COX5A: variants seen among roughly 807,000 people sequenced by gnomAD.
COX5A encodes the protein cytochrome c oxidase subunit 5A, also known as cytochrome c oxidase subunit 5A, mitochondrial.
A neutral mutation model predicts 16.1 loss-of-function variants in COX5A; 6 were observed. The observed-to-expected ratio is 0.37, with a 90% CI of 0.20 to 0.73. COX5A has a LOEUF of 0.73. Among genes scored for constraint, COX5A ranks in the 30% least tolerant of loss-of-function variants. COX5A has a pLI of 0.50. For missense variants in COX5A, 159 were observed against 194.9 expected, an observed-to-expected ratio of 0.82 and a Z score of 1.10; for synonymous variants, 73 against 73.8, an observed-to-expected ratio of 0.99 and a Z score of 0.06.
chr15:74,929,222 T>G lies in COX5A; in HGVS notation c.111A>C (p.Ser37=). The change falls in exon 2 of 5, where the codon TCA becomes TCC. Residue 37 remains serine (S), a synonymous_variant. Coordinates refer to ENST00000322347, the MANE Select transcript of COX5A (RefSeq NM_004255.4). ...RTPGPAVAIQ[S]VRCYSHGSQE... Reference sequence around the variant, plus strand: ...GTGACCCATGGGAATAGCAGCGAACTGACTGGATAGCTATAATGTGAAAGA... The same window carrying G: ...GTGACCCATGGGAATAGCAGCGAACGGACTGGATAGCTATAATGTGAAAGA... The G allele has an allele frequency of 1.2e-6, 2 of 1,608,436 alleles. No homozygotes were observed. The highest frequency in any genetic ancestry group is 1.7e-6 in the Non-Finnish European group (2 of 1,174,850).
At chr15:74,937,817 A>C in intron 1 of COX5A, 98 bp downstream of exon 1, 1 of 739,662 alleles carries the variant, frequency 1.4e-6, no homozygotes, top group Non-Finnish European at 1.8e-6. Context: ...AGGGTAGGGC[A>C]AGGGCTAGGC....
At chr15:74,931,178 C>T (rs2065365785) in intron 1 of COX5A, among the ~76,000 whole-genome samples, 1 of 151,988 alleles carries the variant, frequency 6.6e-6, no homozygotes, top group Non-Finnish European at 1.5e-5. Context: ...CTCTAATCTA[C>T]ACCTAATGCA....
rs537639172 is a variant in COX5A, at chr15:74,937,856, G to A, written c.100+59C>T. 2.6e-3 allele frequency: 2,741 copies of A among 1,060,272 alleles called. 6 individuals carry two copies. The highest frequency in any genetic ancestry group is 3.0e-3 in the Non-Finnish European group (2,524 of 831,612). The allele number at this position is 1,060,272 out of a possible 1,614,324, so 65.7% of individuals were successfully genotyped here. The stretch of plus-strand genomic sequence containing the variant: ...GGAGAGCCCGCCCCGGAGTGGCAGC[G>A]GGGACCCAGGTCACCGCAAGGACAC... On this transcript the variant is annotated intron_variant, in intron 1 of 4. Coordinates refer to ENST00000322347, the MANE Select transcript of COX5A (RefSeq NM_004255.4).
intron 3 of COX5A, among the ~76,000 whole-genome samples, chr15:74,924,379 AT>A (rs2065334508): frequency 6.6e-6 from 1 of 151,982 alleles, no homozygotes; most frequent in Non-Finnish European, 1.5e-5. Flanking sequence ...TCTACTAAAA[AT>A]ACAAAAATTT....
chr15:74,926,152 G>A (rs2065342557), intron 3 of COX5A, among the ~76,000 whole-genome samples: 1 of 148,276 alleles, frequency 6.7e-6, no homozygotes, highest in East Asian at 2.0e-4. Context: ...CCATTCTCCC[G>A]CCTCAGCCTC....
chr15:74,926,654 T>C lies in COX5A; in HGVS notation c.339+112A>G, dbSNP rs965292587. 4 of 1,139,500 alleles carry C rather than the reference T, an allele frequency of 3.5e-6. No homozygotes were observed. In the African/African-American group the frequency reaches 4.7e-5, roughly 13 times the overall value. 70.6% of individuals were successfully genotyped at this position (1,139,500 alleles called of 1,614,324 possible). A position where few individuals can be genotyped will look rare whatever the true frequency, so the allele number is the denominator to read the frequency against. On this transcript the variant is annotated intron_variant, in intron 3 of 4. Transcript: ENST00000322347. ...CTGCAATGTACATTCCTTCTAGTTA[T>C]ATAAGGACTCATTTTAGGCATTTTA... is the stretch of plus-strand genomic sequence containing the variant.
intron 1 of COX5A, among the ~76,000 whole-genome samples, chr15:74,933,281 G>A (rs1474495091): frequency 6.6e-6 from 1 of 151,910 alleles, no homozygotes; most frequent in Non-Finnish European, 1.5e-5. Flanking sequence ...AGGCGTGGTG[G>A]CACACCCCTG....
chr15:74,924,853 C>T (rs1056705988), intron 3 of COX5A, among the ~76,000 whole-genome samples: 2 of 152,212 alleles, frequency 1.3e-5, no homozygotes, highest in African/African-American at 4.8e-5. Flanking sequence ...AAAGTAATGT[C>T]ACACTTTTGC....
At chr15:74,929,085 A>C (rs372049492) in intron 2 of COX5A, 31 bp downstream of exon 2, 14 of 1,476,518 alleles carry the variant, frequency 9.5e-6, no homozygotes, top group African/African-American at 1.4e-5. Context: ...TTACACACCA[A>C]AATAGACAAA....
At chr15:74,920,724 C>T (rs1237581848) in intron 4 of COX5A, among the ~76,000 whole-genome samples, 3 of 152,092 alleles carry the variant, frequency 2.0e-5, no homozygotes, top group East Asian at 1.9e-4. Flanking sequence ...ATGCCTGTAA[C>T]GCTAGCCCTT....
rs1273711006 is a variant in COX5A at position 74,920,459 on chromosome 15, A to G, written c.*10-17T>C. ...GAAGCCCATCTGTAAGAGAAAACAC[A>G]AAGAATTAGCCAGGAAAGAATAAAG... On this transcript the variant is annotated splice_polypyrimidine_tract_variant and intron_variant, in intron 4 of 4. Transcript: ENST00000322347. The G allele has an allele frequency of 8.7e-6, 6 of 689,362 alleles. No homozygotes were observed. Among genetic ancestry groups the G allele is most frequent in the Non-Finnish European group, 1.6e-5 (6 of 381,728 alleles). The allele number at this position is 689,362 out of a possible 1,614,324, so 42.7% of individuals were successfully genotyped here.
At chr15:74,924,130 A>G (rs1477493112) in intron 3 of COX5A, among the ~76,000 whole-genome samples, 1 of 151,896 alleles carries the variant, frequency 6.6e-6, no homozygotes, top group East Asian at 1.9e-4. Flanking sequence ...GCAGTGAGCC[A>G]AGATCACGCC....
chr15:74,924,527 AT>A (rs1257856902), intron 3 of COX5A, among the ~76,000 whole-genome samples: 6 of 151,704 alleles, frequency 4.0e-5, no homozygotes, highest in African/African-American at 1.5e-4. Flanking sequence ...TCTCAAAAAA[AT>A]AATAATAATT....
chr15:74,925,041 G>A (rs529726361), intron 3 of COX5A, among the ~76,000 whole-genome samples: 5 of 152,192 alleles, frequency 3.3e-5, no homozygotes, highest in South Asian at 2.1e-4. Flanking sequence ...AGAAAGTGCC[G>A]GCCGGGCGTG....
At chr15:74,921,277 G>A (rs1038740945) in intron 4 of COX5A, among the ~76,000 whole-genome samples, 9 of 150,834 alleles carry the variant, frequency 6.0e-5, no homozygotes, top group Admixed American at 2.6e-4. Flanking sequence ...GCATGGTGGC[G>A]GGTGCCTGTA....
At chr15:74,932,386 C>T (rs2065371462) in intron 1 of COX5A, among the ~76,000 whole-genome samples, 1 of 152,010 alleles carries the variant, frequency 6.6e-6, no homozygotes, top group Non-Finnish European at 1.5e-5. Flanking sequence ...AACTCCTAGC[C>T]TCAAGCAATC....
intron 1 of COX5A, among the ~76,000 whole-genome samples, chr15:74,931,553 AT>A (rs200291956): frequency 0.2 from 27,302 of 138,266 alleles, 2,931 homozygotes; most frequent in East Asian, 0.61. Context: ...AAGCATTTCC[AT>A]TTTTTTTTTT....
chr15:74,929,884 C>T (rs12148513), intron 1 of COX5A, among the ~76,000 whole-genome samples: 33,233 of 151,036 alleles, frequency 0.22, 4,946 homozygotes, highest in Non-Finnish European at 0.35. Flanking sequence ...TCAAGACCAT[C>T]CTGGCTAACA....
chr15:74,928,973 G>T, intron 2 of COX5A, 143 bp downstream of exon 2: 1 of 683,486 alleles, frequency 1.5e-6, no homozygotes, highest in East Asian at 2.5e-5. Flanking sequence ...TTTATAGGTA[G>T]CCATAAACTT....
Sources: allele counts gnomAD v4.1 joint callset (sites outside exome capture counted in the v4.1 genomes callset), GRCh38; gene constraint gnomAD v4.1.1; transcripts MANE v1.5; gene names NCBI Gene and HGNC (gene_info 2026-07-23, HGNC 2026-07-21).